MREG: variants seen among roughly 807,000 people sequenced by gnomAD.
MREG encodes the protein dilute suppressor protein homolog.
In MREG, 31 loss-of-function variants were observed where a neutral mutation model predicts 28.5. The ratio of observed to expected loss-of-function variants is 1.09; its 90% confidence interval spans 0.82 to 1.47. MREG has a LOEUF of 1.47. Among genes scored for constraint, MREG ranks in the 40% most tolerant of loss-of-function variants. The probability of loss-of-function intolerance (pLI) is 0.00; values close to 1 mark genes in which losing one functional copy is unlikely to be tolerated. For synonymous variants in MREG, 106 were observed against 95.2 expected (o/e 1.11, Z -0.66); for missense variants, 256 against 257.4 (o/e 0.99, Z 0.04).
intron 2 of MREG, among the ~76,000 whole-genome samples, chr2:215,952,820 T>G (rs1283586927): frequency 6.6e-6 from 1 of 152,166 alleles, no homozygotes; most frequent in Non-Finnish European, 1.5e-5. Context: ...GTTGAACATT[T>G]CCTCTTCTTT....
At chr2:215,979,950 T>C (rs1693373770) in intron 2 of MREG, among the ~76,000 whole-genome samples, 1 of 145,046 alleles carries the variant, frequency 6.9e-6, no homozygotes. Context: ...GGCCCTGTTT[T>C]ATGCAAGATG....
At chr2:215,941,773 TA>T (rs1425705378), downstream of MREG, 1 of 152,222 alleles carries the variant, frequency 6.6e-6, no homozygotes, top group Non-Finnish European at 1.5e-5. Context: ...ATTTTAGACT[TA>T]TTTTGCTCCT....
chr2:216,003,188 G>A (rs377036177), intron 1 of MREG, among the ~76,000 whole-genome samples: 1 of 151,960 alleles, frequency 6.6e-6, no homozygotes, highest in Non-Finnish European at 1.5e-5. Context: ...CTCAGCACTC[G>A]CCACCTACAC....
chr2:215,943,768 A>T lies in MREG; in HGVS notation c.*1095T>A. The T allele has an allele frequency of 4.2e-6, 1 of 235,942 alleles. No homozygotes were observed. The highest frequency in any genetic ancestry group is 8.5e-6 in the Non-Finnish European group (1 of 117,586). 14.6% of individuals were successfully genotyped at this position (235,942 alleles called of 1,614,324 possible). ...AGGCAGGGGAATCACTTGAAACCGG[A>T]AGGCGGAGGTTGCAGTGAGCCGAGA... On this transcript the variant is annotated 3_prime_UTR_variant, in exon 5 of 5. Coordinates refer to ENST00000263268, the MANE Select transcript of MREG (RefSeq NM_018000.3).
intron 1 of MREG, among the ~76,000 whole-genome samples, chr2:216,012,616 C>G (rs1694342917): frequency 2.6e-5 from 4 of 152,174 alleles, no homozygotes; most frequent in Admixed American, 2.0e-4. Flanking sequence ...CAAAACTGGG[C>G]TGGTATGGTC....
At chr2:215,960,878 G>T (rs940231843) in intron 2 of MREG, among the ~76,000 whole-genome samples, 1 of 152,026 alleles carries the variant, frequency 6.6e-6, no homozygotes, top group Non-Finnish European at 1.5e-5. Flanking sequence ...AAAAGCACCT[G>T]GGCCTGGACG....
In MREG at chr2:216,029,312, T is replaced by C. The variant is rs568527347; in HGVS notation, c.-68+3477A>G. On this transcript the variant is annotated intron_variant, in intron 1 of 3. Coordinates refer to the MREG transcript ENST00000420348. ...CGCCAACATGGTGAAACCCTGTCTC[T>C]ATTAAAAATACAAAAATTAGCTGGG... Among the ~76,000 whole-genome samples, 297 of 152,168 alleles carry C rather than the reference T, an allele frequency of 2.0e-3. 2 individuals are homozygous for C. Among genetic ancestry groups the C allele is most frequent in the African/African-American group, 6.7e-3 (279 of 41,500 alleles).
intron 2 of MREG, among the ~76,000 whole-genome samples, chr2:215,980,222 T>G (rs1266046776): frequency 6.6e-6 from 1 of 152,196 alleles, no homozygotes; most frequent in African/African-American, 2.4e-5. Context: ...CCCAACTTGT[T>G]GTCCATCCTT....
intron 1 of MREG, among the ~76,000 whole-genome samples, chr2:216,010,354 CTTTTTTTTTT>C (rs1164326774): frequency 1.1e-5 from 1 of 94,370 alleles, no homozygotes; most frequent in Non-Finnish European, 2.0e-5. Flanking sequence ...AAAGATTTCT[CTTTTTTTTTT>C]TTTTTTTTTT....
downstream of MREG, among the ~76,000 whole-genome samples, chr2:215,940,063 A>G (rs2105960567): frequency 6.6e-6 from 1 of 152,346 alleles, no homozygotes; most frequent in Non-Finnish European, 1.5e-5. Context: ...TAAATCCGCT[A>G]TAGCTAATAA....
At chr2:215,966,277 T>G (rs1692936924) in intron 2 of MREG, among the ~76,000 whole-genome samples, 1 of 152,112 alleles carries the variant, frequency 6.6e-6, no homozygotes, top group Non-Finnish European at 1.5e-5. Flanking sequence ...ATGATCCGCG[T>G]GGATCTGATT....
intron 2 of MREG, among the ~76,000 whole-genome samples, chr2:215,950,710 T>C (rs1400925767): frequency 6.6e-6 from 1 of 152,208 alleles, no homozygotes; most frequent in Non-Finnish European, 1.5e-5. Flanking sequence ...GACAGGGTTT[T>C]AACTAAGAAT....
intron 2 of MREG, among the ~76,000 whole-genome samples, chr2:215,969,193 G>A (rs1043719717): frequency 1.3e-5 from 2 of 152,190 alleles, no homozygotes; most frequent in African/African-American, 4.8e-5. Flanking sequence ...TGCCTAAGAT[G>A]GAGAAATCTA....
intron 2 of MREG, among the ~76,000 whole-genome samples, chr2:215,957,246 C>G (rs1188879360): frequency 1.3e-5 from 2 of 152,186 alleles, no homozygotes; most frequent in African/African-American, 2.4e-5. Flanking sequence ...CAGAACTTTT[C>G]TAGAAGCAGA....
In MREG at chr2:215,943,556, G is replaced by A. The variant is rs1692234959; in HGVS notation, c.*1307C>T. ...TGCTATTCCAGATAAAATGCCAAGG[G>A]CTTGGCCGGGCGCGGTGACTCACGC... On this transcript the variant is annotated 3_prime_UTR_variant, in exon 5 of 5. Transcript: ENST00000263268. The A allele has an allele frequency of 2.2e-6, 1 of 454,324 alleles. No individual in the cohort carries two copies. Among genetic ancestry groups the A allele is most frequent in the Non-Finnish European group, 4.4e-6 (1 of 225,568 alleles). The allele number at this position is 454,324 out of a possible 1,614,324, so 28.1% of individuals were successfully genotyped here.
At chr2:216,015,761 A>G (rs772055656), upstream of MREG, among the ~76,000 whole-genome samples, 2 of 152,178 alleles carry the variant, frequency 1.3e-5, no homozygotes, top group Non-Finnish European at 2.9e-5. Flanking sequence ...TTGAAGGTAG[A>G]GCCAACAGGA....
rs948239114 is a variant in MREG at position 215,950,374 on chromosome 2, T to C, written c.256-3261A>G. On this transcript the variant is annotated intron_variant, in intron 2 of 4. Transcript: ENST00000263268. ...TCCTAAATATCTACAATGAATGTTA[T>C]ACGAATTCATTCAGTTTCAGTGTCT... is the stretch of plus-strand genomic sequence containing the variant. Among the ~76,000 whole-genome samples, 4 of 152,356 alleles carry C rather than the reference T, an allele frequency of 2.6e-5. No homozygotes were observed. The East Asian group carries it at 5.8e-4, about 22-fold the overall frequency.
At chr2:215,993,939 T>C (rs919432087) in intron 2 of MREG, among the ~76,000 whole-genome samples, 4 of 152,154 alleles carry the variant, frequency 2.6e-5, no homozygotes, top group African/African-American at 9.7e-5. Context: ...TGTGGAGAAA[T>C]AGGAACACTT....
rs1692218578 is a variant in MREG at position 215,942,874 on chromosome 2, G to A, written c.*1989C>T. 6.6e-6 allele frequency: 1 copy of A among 152,568 alleles called. No homozygotes were observed. The highest frequency in any genetic ancestry group is 2.4e-5 in the African/African-American group (1 of 41,440). The allele number at this position is 152,568 out of a possible 1,614,324, so 9.5% of individuals were successfully genotyped here. ...CTTGCGAGAGTCTACAGAATTGAGAGAAAATATCTGCAGGCTAATTTTACA... is the reference window on the plus strand; with the variant it reads ...CTTGCGAGAGTCTACAGAATTGAGAAAAAATATCTGCAGGCTAATTTTACA... On this transcript the variant is annotated 3_prime_UTR_variant, in exon 5 of 5. Transcript: ENST00000263268.
Sources: gnomAD v4.1 joint callset for allele counts (sites outside exome capture counted in the v4.1 genomes callset) on GRCh38, gnomAD v4.1.1 for gene constraint, MANE v1.5 for transcripts, NCBI Gene and HGNC (gene_info 2026-07-23, HGNC 2026-07-21) for gene names.